The following TRIM44 variants were observed in gnomAD, a reference collection of about 807,000 sequenced individuals.
TRIM44 encodes the protein tripartite motif containing 44.
A neutral mutation model predicts 37.4 loss-of-function variants in TRIM44; 13 were observed. The observed-to-expected ratio is 0.35, with a 90% CI of 0.23 to 0.55. The LOEUF is 0.55. Ranked by LOEUF, TRIM44 falls within the 20% of genes least tolerant of loss-of-function variation. The pLI is 0.89. For synonymous variants in TRIM44, 175 were observed against 157.2 expected (o/e 1.11, Z -0.85); for missense variants, 426 against 437.2 (o/e 0.97, Z 0.23).
chr11:35,685,168 GCTTT>G, intron 1 of TRIM44, 87 bp from the exon 2 acceptor site: 13 of 1,035,010 alleles, frequency 1.3e-5, no homozygotes, highest in Non-Finnish European at 1.8e-5. Context: ...AGAAAAAATT[GCTTT>G]CTATTTCATT....
At chr11:35,749,350 C>T (rs1211912558) in intron 4 of TRIM44, among the ~76,000 whole-genome samples, 1 of 152,194 alleles carries the variant, frequency 6.6e-6, no homozygotes, top group African/African-American at 2.4e-5. Flanking sequence ...CCCAGTCCTT[C>T]TGGCTGGTAG....
At chr11:35,666,760 A>G (rs1302472939) in intron 1 of TRIM44, among the ~76,000 whole-genome samples, 1 of 152,186 alleles carries the variant, frequency 6.6e-6, no homozygotes, top group African/African-American at 2.4e-5. Flanking sequence ...CCCTATCTCT[A>G]AAATAAAAAT....
chr11:35,699,709 G>A (rs968692581), intron 2 of TRIM44, among the ~76,000 whole-genome samples: 1 of 151,324 alleles, frequency 6.6e-6, no homozygotes, highest in Non-Finnish European at 1.5e-5. Context: ...AAATGCCGTC[G>A]TCTCAGCCCA....
chr11:35,759,013 A>G (rs1296112655), intron 4 of TRIM44, among the ~76,000 whole-genome samples: 1 of 152,012 alleles, frequency 6.6e-6, no homozygotes, highest in African/African-American at 2.4e-5. Flanking sequence ...TCTTTGTGGC[A>G]TTCTCTGTAT....
chr11:35,664,950 A>C (rs1851315190), intron 1 of TRIM44, among the ~76,000 whole-genome samples: 1 of 152,122 alleles, frequency 6.6e-6, no homozygotes, highest in Non-Finnish European at 1.5e-5. Flanking sequence ...TCCTAAACTT[A>C]TTTGAACTTG....
chr11:35,697,213 C>G (rs1307116927), intron 2 of TRIM44, among the ~76,000 whole-genome samples: 2 of 106,436 alleles, frequency 1.9e-5, no homozygotes, highest in Non-Finnish European at 3.9e-5. Context: ...ATCCCTCCCC[C>G]TCCCCCCACC....
At chr11:35,687,834 T>A (rs1236483236) in intron 2 of TRIM44, among the ~76,000 whole-genome samples, 3 of 152,204 alleles carry the variant, frequency 2.0e-5, no homozygotes, top group Admixed American at 2.0e-4. Flanking sequence ...CCTGCACCTC[T>A]TTTTTACGTT....
intron 2 of TRIM44, among the ~76,000 whole-genome samples, chr11:35,704,509 G>C (rs978185885): frequency 6.6e-6 from 1 of 152,170 alleles, no homozygotes; most frequent in African/African-American, 2.4e-5. Flanking sequence ...GGCAGCCAGA[G>C]AGAAAGGTCG....
At chr11:35,800,312 A>G (rs769864201) in intron 4 of TRIM44, among the ~76,000 whole-genome samples, 1 of 152,190 alleles carries the variant, frequency 6.6e-6, no homozygotes, top group Non-Finnish European at 1.5e-5. Context: ...CGAAAGAACA[A>G]AGCTTCCATG....
intron 3 of TRIM44, among the ~76,000 whole-genome samples, chr11:35,730,426 A>T (rs1423402560): frequency 6.6e-6 from 1 of 152,232 alleles, no homozygotes; most frequent in African/African-American, 2.4e-5. Context: ...AATAGTTTGA[A>T]GTAATAGTGT....
intron 4 of TRIM44, among the ~76,000 whole-genome samples, chr11:35,738,850 G>T (rs1852357471): frequency 1.3e-5 from 2 of 152,144 alleles, no homozygotes; most frequent in African/African-American, 4.8e-5. Context: ...CATTATGCCT[G>T]TGTCTCCTTT....
At chr11:35,672,809 CT>C (rs1231939397) in intron 1 of TRIM44, among the ~76,000 whole-genome samples, 1 of 152,126 alleles carries the variant, frequency 6.6e-6, no homozygotes. Context: ...ATATTTTTTA[CT>C]TTTTATTCTT....
intron 4 of TRIM44, among the ~76,000 whole-genome samples, chr11:35,786,236 ATAGGTC>A (rs1853129266): frequency 6.6e-6 from 1 of 152,352 alleles, no homozygotes; most frequent in African/African-American, 2.4e-5. Flanking sequence ...ACTCTATTAC[ATAGGTC>A]TTACTGGATG....
intron 2 of TRIM44, among the ~76,000 whole-genome samples, chr11:35,715,116 A>G (rs1355404987): frequency 6.6e-6 from 1 of 152,176 alleles, no homozygotes; most frequent in Non-Finnish European, 1.5e-5. Context: ...GTTGCATCCA[A>G]TTCAGTGTCA....
At chr11:35,738,478 A>G (rs1023895164) in intron 4 of TRIM44, among the ~76,000 whole-genome samples, 4 of 152,194 alleles carry the variant, frequency 2.6e-5, no homozygotes, top group African/African-American at 9.7e-5. Flanking sequence ...AGTACCAAAA[A>G]TAAGTGCATG....
intron 4 of TRIM44, among the ~76,000 whole-genome samples, chr11:35,759,348 C>T (rs1428573388): frequency 1.3e-5 from 2 of 152,304 alleles, no homozygotes; most frequent in East Asian, 3.9e-4. Flanking sequence ...TTTTCAGCTC[C>T]ATCAGGTCCT....
Position 35,810,715 on chromosome 11 carries a change from G to A in TRIM44, c.*4330G>A, listed in dbSNP as rs930043136. 1 of 152,108 alleles carries A rather than the reference G, an allele frequency of 6.6e-6. No individual in the cohort carries two copies. Among genetic ancestry groups the A allele is most frequent in the Admixed American group, 6.5e-5 (1 of 15,270 alleles). 9.4% of individuals were successfully genotyped at this position (152,108 alleles called of 1,614,324 possible). On this transcript the variant is annotated 3_prime_UTR_variant, in exon 5 of 5. Transcript: ENST00000299413. Reference sequence around the variant, plus strand: ...TACTGGGCTTGATATGACTTTGAGGGGACAGCAGATTAATACTTAATGAGG... The same window carrying A: ...TACTGGGCTTGATATGACTTTGAGGAGACAGCAGATTAATACTTAATGAGG...
intron 4 of TRIM44, among the ~76,000 whole-genome samples, chr11:35,757,113 G>A (rs990350663): frequency 6.6e-6 from 1 of 152,176 alleles, no homozygotes; most frequent in Admixed American, 6.5e-5. Context: ...GTAGAATTCA[G>A]CTGTGAATCC....
At chr11:35,747,793 A>C (rs958147423) in intron 4 of TRIM44, among the ~76,000 whole-genome samples, 1 of 151,974 alleles carries the variant, frequency 6.6e-6, no homozygotes, top group African/African-American at 2.4e-5. Context: ...CTGTTCACCA[A>C]GTGGCAGGTG....
Sources: allele counts gnomAD v4.1 joint callset (sites outside exome capture counted in the v4.1 genomes callset), GRCh38; gene constraint gnomAD v4.1.1; transcripts MANE v1.5; gene names NCBI Gene and HGNC (gene_info 2026-07-23, HGNC 2026-07-21).